FGF7: variants seen among roughly 807,000 people sequenced by gnomAD.
FGF7 encodes the protein fibroblast growth factor 7.
FGF7 carries 6 observed loss-of-function variants against 20.5 expected under a neutral mutation model. That is an observed-to-expected ratio of 0.29 (90% CI 0.16 to 0.58). The LOEUF is 0.58. Among genes scored for constraint, FGF7 ranks in the 20% least tolerant of loss-of-function variants. The pLI is 0.90. For synonymous variants in FGF7, 64 were observed against 74.7 expected, an observed-to-expected ratio of 0.86 and a Z score of 0.74; for missense variants, 144 against 228.8, an observed-to-expected ratio of 0.63 and a Z score of 2.39.
At chr15:49,468,835 C>T (rs570122151) in intron 2 of FGF7, among the ~76,000 whole-genome samples, 9 of 152,244 alleles carry the variant, frequency 5.9e-5, no homozygotes, top group Admixed American at 2.6e-4. Context: ...GTTTGTCTTC[C>T]GTGTTAAGCA....
At chr15:49,477,347 T>C (rs2055438028) in intron 2 of FGF7, among the ~76,000 whole-genome samples, 1 of 152,176 alleles carries the variant, frequency 6.6e-6, no homozygotes, top group Non-Finnish European at 1.5e-5. Context: ...CTTTTTCTGC[T>C]CTCCTCAAGG....
rs1409851691 is a variant in FGF7, at chr15:49,424,049, G to A, written c.-249G>A. ...GCAAACAGAAGTCAAATAGCAAACA[G>A]CGTCACAGCAACTGAACTTACTACG... is the stretch of plus-strand genomic sequence containing the variant. On this transcript the variant is annotated 5_prime_UTR_variant, in exon 2 of 4. Coordinates refer to ENST00000267843, the MANE Select transcript of FGF7 (RefSeq NM_002009.4). 4 of 381,414 alleles carry A rather than the reference G, an allele frequency of 1.0e-5. No homozygotes were observed. The highest frequency in any genetic ancestry group is 8.2e-5 in the Admixed American group (2 of 24,418). The allele number at this position is 381,414 out of a possible 1,614,324, so 23.6% of individuals were successfully genotyped here. A position where few individuals can be genotyped will look rare whatever the true frequency, so the allele number is the denominator to read the frequency against.
At chr15:49,456,081 G>T in intron 2 of FGF7, among the ~76,000 whole-genome samples, 1 of 152,038 alleles carries the variant, frequency 6.6e-6, no homozygotes, top group South Asian at 2.1e-4. Context: ...TAACTTATAA[G>T]ACATTCTAAA....
intron 2 of FGF7, among the ~76,000 whole-genome samples, chr15:49,430,423 T>C (rs2050501664): frequency 6.6e-6 from 1 of 151,758 alleles, no homozygotes; most frequent in Non-Finnish European, 1.5e-5. Flanking sequence ...ACAACCAAGT[T>C]CAAAGGCAGA....
intron 2 of FGF7, among the ~76,000 whole-genome samples, chr15:49,450,929 C>T (rs2052661965): frequency 6.6e-6 from 1 of 152,092 alleles, no homozygotes; most frequent in Non-Finnish European, 1.5e-5. Flanking sequence ...GTTAGTATAG[C>T]TACAGCTAAT....
chr15:49,442,663 T>G (rs1194465533), intron 2 of FGF7, among the ~76,000 whole-genome samples: 1 of 151,730 alleles, frequency 6.6e-6, no homozygotes, highest in Admixed American at 6.6e-5. Context: ...TGTCTTTTAT[T>G]GTTGCCTGCC....
At chr15:49,430,794 T>C (rs2079742346) in intron 2 of FGF7, among the ~76,000 whole-genome samples, 1 of 151,842 alleles carries the variant, frequency 6.6e-6, no homozygotes, top group South Asian at 2.1e-4. Context: ...GAAGCCTTCA[T>C]GGCCTAATCA....
chr15:49,441,915 A>G lies in FGF7; in HGVS notation c.286+17332A>G, dbSNP rs1401267726. On this transcript the variant is annotated intron_variant, in intron 2 of 3. Transcript: ENST00000267843. ...TTGTACTTATGCATTTATTTTTATC[A>G]TTTTGTGTAGTGCTCAAGTATTATA... 6.0e-5 allele frequency among the ~76,000 whole-genome samples: 9 copies of G among 150,978 alleles called. No individual in the cohort carries two copies. The East Asian group carries it at 1.8e-3, about 30-fold the overall frequency.
intron 2 of FGF7, among the ~76,000 whole-genome samples, chr15:49,451,798 A>G (rs1435958264): frequency 1.3e-5 from 2 of 152,198 alleles, no homozygotes; most frequent in Non-Finnish European, 2.9e-5. Flanking sequence ...AGTAATACTT[A>G]TATAGCAATC....
intron 2 of FGF7, among the ~76,000 whole-genome samples, chr15:49,442,094 T>C (rs2051707178): frequency 6.6e-6 from 1 of 151,698 alleles, no homozygotes; most frequent in Admixed American, 6.6e-5. Context: ...AAAACTTCAG[T>C]GAATAAAGGT....
At chr15:49,451,579 T>C (rs1482676901) in intron 2 of FGF7, among the ~76,000 whole-genome samples, 2 of 152,128 alleles carry the variant, frequency 1.3e-5, no homozygotes, top group Admixed American at 1.3e-4. Context: ...TTAGAATTCC[T>C]CTTCAATTCA....
intron 2 of FGF7, among the ~76,000 whole-genome samples, chr15:49,435,809 C>T (rs78990608): frequency 0.023 from 3,510 of 151,604 alleles, 85 homozygotes; most frequent in South Asian, 0.13. Flanking sequence ...CCACTAAAAT[C>T]ACTGCACTGT....
chr15:49,482,633 A>T (rs1468643009), intron 2 of FGF7, among the ~76,000 whole-genome samples: 1 of 152,054 alleles, frequency 6.6e-6, no homozygotes, highest in African/African-American at 2.4e-5. Context: ...AAGAGCCAGA[A>T]TGTCTGGGTT....
intron 2 of FGF7, among the ~76,000 whole-genome samples, chr15:49,479,780 A>C (rs62009977): frequency 0.25 from 37,822 of 151,618 alleles, 5,671 homozygotes; most frequent in Non-Finnish European, 0.35. Flanking sequence ...TGCCTGGCTA[A>C]TTTTTGTATT....
At chr15:49,429,721 GA>G (rs1408691909) in intron 2 of FGF7, among the ~76,000 whole-genome samples, 2 of 151,874 alleles carry the variant, frequency 1.3e-5, no homozygotes, top group Non-Finnish European at 2.9e-5. Context: ...AAATTGATCT[GA>G]GGTACAGTCT....
chr15:49,446,743 A>C (rs936799283), intron 2 of FGF7, among the ~76,000 whole-genome samples: 1 of 151,650 alleles, frequency 6.6e-6, no homozygotes, highest in East Asian at 1.9e-4. Flanking sequence ...AAAATGCTTC[A>C]AAACATATTT....
chr15:49,441,594 C>A (rs1404730884), intron 2 of FGF7, among the ~76,000 whole-genome samples: 2 of 151,620 alleles, frequency 1.3e-5, no homozygotes, highest in African/African-American at 4.8e-5. Context: ...AAGGAGAGTG[C>A]ATTTCATGAC....
chr15:49,452,504 T>C (rs1225974105), intron 2 of FGF7, among the ~76,000 whole-genome samples: 1 of 152,222 alleles, frequency 6.6e-6, no homozygotes, highest in Non-Finnish European at 1.5e-5. Context: ...AAACTGGATG[T>C]TATTTTCTGG....
At chr15:49,426,709 T>C (rs763228591) in intron 2 of FGF7, among the ~76,000 whole-genome samples, 4 of 151,746 alleles carry the variant, frequency 2.6e-5, no homozygotes, top group Non-Finnish European at 5.9e-5. Flanking sequence ...TAACACCAAT[T>C]CTATAGCACA....
Sources: gnomAD v4.1 joint callset for allele counts (sites outside exome capture counted in the v4.1 genomes callset) on GRCh38, gnomAD v4.1.1 for gene constraint, MANE v1.5 for transcripts, NCBI Gene and HGNC (gene_info 2026-07-23, HGNC 2026-07-21) for gene names.